Variants in FANCM observed in about 807,000 individuals in gnomAD.
FANCM encodes FA complementation group M, also known as Fanconi anemia group M protein.
FANCM carries 140 observed loss-of-function variants against 199.5 expected under a neutral mutation model. That is an observed-to-expected ratio of 0.70 (90% CI 0.61 to 0.81). The LOEUF is 0.81. Among genes scored for constraint, FANCM ranks in the 30% least tolerant of loss-of-function variants. The pLI is 0.00. For synonymous variants in FANCM, 840 were observed against 836.8 expected, an observed-to-expected ratio of 1.00 and a Z score of -0.07; for missense variants, 2,410 against 2,421.4, an observed-to-expected ratio of 1.00 and a Z score of 0.10.
Position 45,159,181 on chromosome 14 carries a change from A to G in FANCM, c.1482A>G (p.Glu494=). Residue 494 remains glutamate, a synonymous_variant, in exon 9 of 23, where the codon GAA becomes GAG. Coordinates refer to ENST00000267430, the MANE Select transcript of FANCM (RefSeq NM_020937.4). ...GAGATAGTGTTCAAGAAATTGCAGA[A>G]ATGCTTTCACAGCATCAGCCAATTA... ...SFRDSVQEIA[E]MLSQHQPIIR... 1 of 1,613,448 alleles carries G rather than the reference A, an allele frequency of 6.2e-7. No individual in the cohort carries two copies. The highest frequency in any genetic ancestry group is 8.5e-7 in the Non-Finnish European group (1 of 1,179,446).
chr14:45,173,628 A>C (rs1594795738), intron 13 of FANCM, among the ~76,000 whole-genome samples: 1 of 152,162 alleles, frequency 6.6e-6, no homozygotes, highest in Non-Finnish European at 1.5e-5. Flanking sequence ...TGAACCAATT[A>C]TGAGTGTGAA....
Position 45,176,800 on chromosome 14 carries a change from C to T in FANCM, c.4046C>T (p.Ser1349Leu). ...TPLSKSNTLN[S>L]FSKIRKEILK... Reference sequence around the variant, plus strand: ...CTCTCTAAATCAAACACATTGAACTCATTTTCTAAGATAAGAAAGGAAATA... The same window carrying T: ...CTCTCTAAATCAAACACATTGAACTTATTTTCTAAGATAAGAAAGGAAATA... Residue 1349 changes from serine to leucine, a missense_variant, in exon 14 of 23, where the codon TCA becomes TTA. Physicochemically the swap from Ser to Leu is moderately radical, Grantham distance 145 (BLOSUM62 -2). Transcript: ENST00000267430. The T allele has an allele frequency of 6.2e-7, 1 of 1,606,870 alleles. No homozygotes were observed. Among genetic ancestry groups the T allele is most frequent in the South Asian group, 1.1e-5 (1 of 89,690 alleles).
chr14:45,174,094 A>C (rs960203228), intron 13 of FANCM, among the ~76,000 whole-genome samples: 6 of 152,184 alleles, frequency 3.9e-5, no homozygotes, highest in African/African-American at 9.7e-5. Flanking sequence ...TTTATTATTC[A>C]AAAAAGCAGA....
intron 9 of FANCM, among the ~76,000 whole-genome samples, chr14:45,162,997 G>A (rs911041878): frequency 4.7e-5 from 7 of 149,944 alleles, no homozygotes; most frequent in African/African-American, 1.7e-4. Context: ...GTTTCTCCCT[G>A]TACTCCGAGG....
chr14:45,177,638 C>T (rs922458311), intron 14 of FANCM, among the ~76,000 whole-genome samples: 6 of 152,034 alleles, frequency 3.9e-5, no homozygotes, highest in African/African-American at 9.7e-5. Flanking sequence ...GTGATCCACC[C>T]GCCTCACCCT....
At chr14:45,149,810 A>G (rs2139154965) in intron 4 of FANCM, among the ~76,000 whole-genome samples, 1 of 152,158 alleles carries the variant, frequency 6.6e-6, no homozygotes, top group African/African-American at 2.4e-5. Context: ...TTCTTACAAC[A>G]ACAACAACAA....
Position 45,176,907 on chromosome 14 carries a change from G to A in FANCM, c.4153G>A (p.Glu1385Lys). The A allele has an allele frequency of 6.2e-7, 1 of 1,611,850 alleles. No homozygotes were observed. The highest frequency in any genetic ancestry group is 1.1e-5 in the South Asian group (1 of 90,882). ...ATTGAATTCAACTTTTGATTATTCA[G>A]AATTTTCTCTAGAAAAGTCTAAAAG... ...EALNSTFDYS[E>K]FSLEKSKSSG... The change falls in exon 14 of 23, where the codon GAA becomes AAA. Residue 1385 changes from glutamate (E) to lysine (K), a missense_variant. Glu to Lys is a moderately conservative substitution (Grantham distance 56). Transcript: ENST00000267430.
chr14:45,166,771 C>G (rs1449748460), intron 10 of FANCM, among the ~76,000 whole-genome samples, 179 bp from the exon 11 acceptor site: 4 of 145,858 alleles, frequency 2.7e-5, no homozygotes, highest in Non-Finnish European at 6.0e-5. Context: ...GAGTAAGACC[C>G]TGTCTCAAAA....
In FANCM at chr14:45,151,468, A is replaced by G. The variant is rs138677111; in HGVS notation, c.990A>G (p.Thr330=). 185 of 1,612,644 alleles carry G rather than the reference A, an allele frequency of 1.1e-4. No individual in the cohort carries two copies. In the African/African-American group the frequency reaches 2.2e-3, roughly 19 times the overall value. The stretch of plus-strand genomic sequence containing the variant: ...TGAGAAGGGATATCCCAAATCTAAC[A>G]AAATATCAGATAATTCTGGCAAGAG... ...VLMRRDIPNL[T]KYQIILARDQ... is the part of the protein sequence containing the mutation. Residue 330 remains threonine, a synonymous_variant, in exon 5 of 23, where the codon ACA becomes ACG. Transcript: ENST00000267430.
rs187066712 is a variant in FANCM, at chr14:45,146,574, A to G, written c.760-2263A>G. Among the ~76,000 whole-genome samples, 873 of 152,074 alleles carry G rather than the reference A, an allele frequency of 5.7e-3. 8 individuals carry two copies. Among genetic ancestry groups the G allele is most frequent in the African/African-American group, 0.02 (833 of 41,512 alleles). On this transcript the variant is annotated intron_variant, in intron 3 of 22. Coordinates refer to ENST00000267430, the MANE Select transcript of FANCM (RefSeq NM_020937.4). ...TTCATGTTTTTCAGTCAGCTTAAAA[A>G]TGTCATCCCCCTTTGGGAGGCCGAG...
chr14:45,170,667 T>G lies in FANCM; in HGVS notation c.2081T>G (p.Leu694Ter), dbSNP rs958519426. The G allele has an allele frequency of 1.2e-6, 2 of 1,604,826 alleles. No individual in the cohort carries two copies. Among genetic ancestry groups the G allele is most frequent in the East Asian group, 2.2e-5 (1 of 44,756 alleles). ...AAATTATGGAACAGACTTTATAGATTAAGGGACAGTGATGAAATTAAAGAG... is the reference window on the plus strand; with the variant it reads ...AAATTATGGAACAGACTTTATAGATGAAGGGACAGTGATGAAATTAAAGAG... ...EFKLWNRLYR[L>*]RDSDEIKEIT... Residue 694 changes from leucine to a stop codon, truncating the protein, a stop_gained, in exon 12 of 23, where the codon TTA (leucine) becomes TGA (stop). Transcript: ENST00000267430. LOFTEE classifies it high-confidence loss of function.
intron 5 of FANCM, among the ~76,000 whole-genome samples, chr14:45,151,919 A>C (rs1429134687): frequency 6.6e-6 from 1 of 151,936 alleles, no homozygotes; most frequent in Non-Finnish European, 1.5e-5. Flanking sequence ...TCTTAAAAAA[A>C]AAAAAAAAAA....
intron 9 of FANCM, among the ~76,000 whole-genome samples, chr14:45,163,925 T>C (rs1887778536): frequency 6.6e-6 from 1 of 152,200 alleles, no homozygotes; most frequent in African/African-American, 2.4e-5. Flanking sequence ...TCCTATTCTA[T>C]ACTATCCTTG....
In FANCM at chr14:45,167,006, C is replaced by T. The variant is rs770287146; in HGVS notation, c.1845C>T (p.Asn615=). ...KRSIYKAISS[N]RQVLHFYQRS... ...GTATATATAAAGCTATTTCAAGTAA[C>T]AGGCAGGTCCTTCATTTTTACCAAA... The change falls in exon 11 of 23, where the codon AAC becomes AAT. Residue 615 remains asparagine (N), a synonymous_variant. Transcript: ENST00000267430. The T allele has an allele frequency of 5.0e-6, 8 of 1,610,014 alleles. No individual in the cohort carries two copies. Among genetic ancestry groups the T allele is most frequent in the Non-Finnish European group, 6.8e-6 (8 of 1,176,316 alleles).
Position 45,164,495 on chromosome 14 carries a change from G to A in FANCM, c.1718G>A (p.Arg573Gln), listed in dbSNP as rs550238354. 15 of 1,613,672 alleles carry A rather than the reference G, an allele frequency of 9.3e-6. No homozygotes were observed. The highest frequency in any genetic ancestry group is 4.5e-5 in the East Asian group (2 of 44,874). Residue 573 changes from arginine (R) to glutamine (Q), a missense_variant, in exon 10 of 23, where the codon CGA (arginine) becomes CAA (glutamine). Arg to Gln is a conservative substitution (Grantham distance 43, BLOSUM62 1). Coordinates refer to ENST00000267430, the MANE Select transcript of FANCM (RefSeq NM_020937.4). ...SQKSPIRLVQ[R>Q]MGRTGRKRQG... ...AAGAGCCCAATTCGTCTTGTACAAC[G>A]AATGGGTAGAACTGGCCGTAAACGT...
intron 20 of FANCM, among the ~76,000 whole-genome samples, chr14:45,192,333 G>A (rs527992528): frequency 1.3e-5 from 2 of 152,188 alleles, no homozygotes; most frequent in African/African-American, 4.8e-5. Context: ...ACTGGACACT[G>A]TGAAATCTGG....
At chr14:45,138,666 C>T (rs930635704) in intron 2 of FANCM, among the ~76,000 whole-genome samples, 3 of 152,076 alleles carry the variant, frequency 2.0e-5, no homozygotes, top group Non-Finnish European at 4.4e-5. Context: ...GTATGGAATA[C>T]GTTTTGAAGA....
chr14:45,136,205 T>C lies in FANCM; in HGVS notation c.174T>C (p.Leu58=), dbSNP rs1178326678. Residue 58 remains leucine (L), a synonymous_variant, in exon 1 of 23, where the codon CTT becomes CTC. Coordinates refer to ENST00000267430, the MANE Select transcript of FANCM (RefSeq NM_020937.4). The part of the protein sequence containing the change: ...AQLESDDDVL[L]VAAYEAERQL... ...TGGAGTCGGACGATGATGTGTTGCTTGTCGCGGCGTACGAGGCTGAGCGGC... is the reference window on the plus strand; with the variant it reads ...TGGAGTCGGACGATGATGTGTTGCTCGTCGCGGCGTACGAGGCTGAGCGGC... 6 of 1,614,128 alleles carry C rather than the reference T, an allele frequency of 3.7e-6. No individual in the cohort carries two copies. Among genetic ancestry groups the C allele is most frequent in the South Asian group, 1.1e-5 (1 of 91,076 alleles).
intron 3 of FANCM, among the ~76,000 whole-genome samples, chr14:45,141,015 T>C (rs1885881746): frequency 1.3e-5 from 2 of 151,912 alleles, no homozygotes; most frequent in Non-Finnish European, 2.9e-5. Flanking sequence ...GCAGCCTTGG[T>C]GACAGAGCAA....
Sources: allele counts gnomAD v4.1 joint callset (sites outside exome capture counted in the v4.1 genomes callset), GRCh38; gene constraint gnomAD v4.1.1; transcripts MANE v1.5; gene names NCBI Gene and HGNC (gene_info 2026-07-23, HGNC 2026-07-21).